IL15: variants seen among roughly 807,000 people sequenced by gnomAD.
IL15 encodes the protein interleukin 15.
Under a neutral mutation model 19.6 loss-of-function variants are expected in IL15, and 11 were observed. That is an observed-to-expected ratio of 0.56 (90% CI 0.35 to 0.93). IL15 has a LOEUF of 0.93. IL15 is among the 40% of genes least tolerant of loss of function. The pLI, the probability that IL15 is intolerant of heterozygous loss-of-function variation, is 0.01. For synonymous variants in IL15, 58 were observed against 59.6 expected (o/e 0.97, Z 0.12); for missense variants, 197 against 186.5 (o/e 1.06, Z -0.33).
intron 2 of IL15, among the ~76,000 whole-genome samples, chr4:141,665,911 G>C (rs1727955672): frequency 6.6e-6 from 1 of 151,922 alleles, no homozygotes; most frequent in Non-Finnish European, 1.5e-5. Context: ...ATAAGTATAT[G>C]TCTTTTGTTA....
intron 2 of IL15, among the ~76,000 whole-genome samples, chr4:141,682,557 AAGAAC>A (rs766973730): frequency 5.3e-5 from 8 of 152,202 alleles, no homozygotes; most frequent in Non-Finnish European, 1.0e-4. Flanking sequence ...CCAACTCTAT[AAGAAC>A]GGAGACTTTT....
intron 2 of IL15, among the ~76,000 whole-genome samples, chr4:141,698,347 G>A (rs554952143): frequency 1.7e-4 from 26 of 151,930 alleles, no homozygotes; most frequent in East Asian, 5.8e-4. Flanking sequence ...TGATACTGGC[G>A]TTATAGAATG....
intron 2 of IL15, among the ~76,000 whole-genome samples, chr4:141,675,911 A>G (rs1361028154): frequency 6.6e-6 from 1 of 152,164 alleles, no homozygotes; most frequent in Non-Finnish European, 1.5e-5. Flanking sequence ...AGACCAAGAG[A>G]CAGCATACTA....
At chr4:141,660,181 T>C (rs1199037578) in intron 2 of IL15, among the ~76,000 whole-genome samples, 2 of 152,224 alleles carry the variant, frequency 1.3e-5, no homozygotes, top group Admixed American at 6.5e-5. Flanking sequence ...AAAGAAACTT[T>C]CACTGTGAAA....
intron 2 of IL15, among the ~76,000 whole-genome samples, chr4:141,670,530 G>A (rs936969587): frequency 6.6e-6 from 1 of 152,144 alleles, no homozygotes; most frequent in Non-Finnish European, 1.5e-5. Flanking sequence ...CTTAATTCAA[G>A]TAGATCACTA....
intron 2 of IL15, among the ~76,000 whole-genome samples, chr4:141,672,249 C>G (rs1728199647): frequency 6.6e-6 from 1 of 152,138 alleles, no homozygotes; most frequent in African/African-American, 2.4e-5. Context: ...ATTACACTGT[C>G]TTCATTTTTT....
chr4:141,666,561 T>C (rs984995215), intron 2 of IL15, among the ~76,000 whole-genome samples: 6 of 152,038 alleles, frequency 3.9e-5, no homozygotes, highest in African/African-American at 1.4e-4. Context: ...TTTCACCATG[T>C]TACCTATGCT....
At chr4:141,666,131 C>G (rs950660653) in intron 2 of IL15, among the ~76,000 whole-genome samples, 13 of 92,698 alleles carry the variant, frequency 1.4e-4, no homozygotes, top group Admixed American at 1.4e-3. Flanking sequence ...GACGGAGTCT[C>G]GCTCTGTCGC....
chr4:141,639,956 T>C (rs1209022024), intron 1 of IL15, among the ~76,000 whole-genome samples: 1 of 152,018 alleles, frequency 6.6e-6, no homozygotes. Flanking sequence ...TATATGTCTA[T>C]ATGTGTGCAT....
In IL15 at chr4:141,651,939, A is replaced by C. The variant is rs138035953; in HGVS notation, c.-221-4247A>C. 6.5e-3 allele frequency among the ~76,000 whole-genome samples: 995 copies of C among 152,204 alleles called. 12 individuals are homozygous for C. Among genetic ancestry groups the C allele is most frequent in the African/African-American group, 0.023 (961 of 41,534 alleles). On this transcript the variant is annotated intron_variant, in intron 1 of 7. Transcript: ENST00000320650. The stretch of plus-strand genomic sequence containing the variant: ...CGACATCTTAGACTACAAAAAATGC[A>C]GCCATCTTGGGAAACCTGTAGCAAG...
At chr4:141,645,309 C>A (rs1727191035) in intron 1 of IL15, among the ~76,000 whole-genome samples, 1 of 152,118 alleles carries the variant, frequency 6.6e-6, no homozygotes, top group Non-Finnish European at 1.5e-5. Flanking sequence ...TGTGAGACAT[C>A]ATTTTAAATC....
intron 1 of IL15, among the ~76,000 whole-genome samples, chr4:141,653,259 T>C (rs764028046): frequency 9.5e-4 from 144 of 152,216 alleles, no homozygotes; most frequent in Non-Finnish European, 5.3e-4. Flanking sequence ...AATTTTGTCT[T>C]CCAGGAGTTC....
At chr4:141,705,866 C>T (rs1391374891) in intron 2 of IL15, among the ~76,000 whole-genome samples, 1 of 151,540 alleles carries the variant, frequency 6.6e-6, no homozygotes, top group Non-Finnish European at 1.5e-5. Flanking sequence ...TGACTTGATG[C>T]CTATTTTATC....
chr4:141,691,548 C>A (rs1728911325), intron 2 of IL15, among the ~76,000 whole-genome samples: 1 of 152,158 alleles, frequency 6.6e-6, no homozygotes. Flanking sequence ...GGGGTTCAGG[C>A]ATTGGGTAAA....
intron 2 of IL15, among the ~76,000 whole-genome samples, chr4:141,669,792 CT>C (rs1728108682): frequency 7.0e-6 from 1 of 143,624 alleles, no homozygotes; most frequent in Non-Finnish European, 1.5e-5. Flanking sequence ...TTTTTTTTAA[CT>C]ATTCTTTTAA....
At chr4:141,728,131 T>C in intron 6 of IL15, 147 bp downstream of exon 6, 1 of 534,954 alleles carries the variant, frequency 1.9e-6, no homozygotes, top group Non-Finnish European at 3.2e-6. Context: ...TTATTAGTGA[T>C]TATTGAGATG....
intron 1 of IL15, among the ~76,000 whole-genome samples, chr4:141,640,950 G>A (rs1727021435): frequency 1.3e-5 from 2 of 152,160 alleles, no homozygotes; most frequent in African/African-American, 4.8e-5. Flanking sequence ...GGTTGATGGC[G>A]GTGGTGGTGG....
intron 1 of IL15, among the ~76,000 whole-genome samples, chr4:141,639,222 G>A (rs1215534828): frequency 6.6e-6 from 1 of 152,134 alleles, no homozygotes; most frequent in East Asian, 1.9e-4. Flanking sequence ...AAGACTGGTG[G>A]TATTTATGGA....
intron 2 of IL15, among the ~76,000 whole-genome samples, chr4:141,663,303 G>A (rs181434144): frequency 3.2e-4 from 49 of 152,278 alleles, no homozygotes; most frequent in Non-Finnish European, 4.9e-4. Context: ...CAGAAATTGG[G>A]TGATCCCTTT....
Sources: gnomAD v4.1 joint callset for allele counts (sites outside exome capture counted in the v4.1 genomes callset) on GRCh38, gnomAD v4.1.1 for gene constraint, MANE v1.5 for transcripts, NCBI Gene and HGNC (gene_info 2026-07-23, HGNC 2026-07-21) for gene names.